Variants in HYKK observed in about 807,000 individuals in gnomAD.
HYKK encodes hydroxylysine kinase, also known as 5-hydroxy-L-lysine kinase.
Under a neutral mutation model 29.7 loss-of-function variants are expected in HYKK, and 19 were observed. The observed-to-expected ratio is 0.64, with a 90% CI of 0.45 to 0.94. The LOEUF is 0.94. Among genes scored for constraint, HYKK ranks in the 40% least tolerant of loss-of-function variants. The pLI is 0.00. For synonymous variants in HYKK, 152 were observed against 158.1 expected (o/e 0.96, Z 0.29); for missense variants, 390 against 443.4 (o/e 0.88, Z 1.08).
chr15:78,535,253 A>AATTTCATTTC lies in HYKK; in HGVS notation c.*1589_*1598dup, dbSNP rs141035399. The AATTTCATTTC allele has an allele frequency of 8.8e-6, 1 of 113,824 alleles. No individual in the cohort carries two copies. Among genetic ancestry groups the AATTTCATTTC allele is most frequent in the Non-Finnish European group, 1.9e-5 (1 of 51,324 alleles). The allele number at this position is 113,824 out of a possible 1,614,324, so 7.1% of individuals were successfully genotyped here. ...TTCATTTTTCACTTCTTTGTCCCTC[A>AATTTCATTTC]ATTTCATTTCATTTCTTTTTCTTTT... On this transcript the variant is annotated 3_prime_UTR_variant, in exon 5 of 5. Coordinates refer to ENST00000388988, the MANE Select transcript of HYKK (RefSeq NM_001013619.4).
chr15:78,537,043 T>C (rs1170217411), downstream of HYKK, among the ~76,000 whole-genome samples: 1 of 152,220 alleles, frequency 6.6e-6, no homozygotes, highest in Non-Finnish European at 1.5e-5. Context: ...TCTTAGGTCC[T>C]CAGCCTCAGA....
In HYKK at chr15:78,513,205, A is replaced by G. The variant is rs748551520; in HGVS notation, c.117A>G (p.Pro39=). ...VFGLKVSKVR[P]LPSYDDQNFH... ...GGTTGAAAGTTTCCAAGGTCCGGCC[A>G]CTTCCTAGCTATGATGACCAAAACT... The change falls in exon 2 of 5, where the codon CCA becomes CCG. Residue 39 remains proline (P), a synonymous_variant. Coordinates refer to ENST00000388988, the MANE Select transcript of HYKK (RefSeq NM_001013619.4). The G allele has an allele frequency of 1.7e-5, 27 of 1,614,058 alleles. No individual in the cohort carries two copies. Among genetic ancestry groups the G allele is most frequent in the South Asian group, 1.1e-4 (10 of 91,090 alleles).
chr15:78,514,908 CTATA>C lies in HYKK; in HGVS notation c.338-43_338-40del, dbSNP rs1555411228. ...TAAATACCTCTCTCTCTCTCTCTCT[CTATA>C]TATATATATATATATAAATAATTTA... On this transcript the variant is annotated intron_variant, in intron 2 of 4. Coordinates refer to ENST00000388988, the MANE Select transcript of HYKK (RefSeq NM_001013619.4). The C allele has an allele frequency of 4.0e-4, 155 of 385,442 alleles. 5 individuals are homozygous for C. Among genetic ancestry groups the C allele is most frequent in the South Asian group, 1.7e-3 (18 of 10,608 alleles). The allele number at this position is 385,442 out of a possible 1,614,324, so 23.9% of individuals were successfully genotyped here.
chr15:78,518,196 T>C (rs895320001), intron 3 of HYKK, among the ~76,000 whole-genome samples: 4 of 152,204 alleles, frequency 2.6e-5, no homozygotes, highest in African/African-American at 7.2e-5. Context: ...TTTTATTTTT[T>C]ATTTTTTTTG....
intron 3 of HYKK, among the ~76,000 whole-genome samples, chr15:78,525,888 G>A (rs1026237236): frequency 2.0e-5 from 3 of 152,186 alleles, no homozygotes; most frequent in African/African-American, 7.2e-5. Context: ...GTGTGTGCCT[G>A]TATACTGGGG....
chr15:78,522,879 A>T (rs1410407895), intron 3 of HYKK, among the ~76,000 whole-genome samples: 1 of 152,004 alleles, frequency 6.6e-6, no homozygotes, highest in Non-Finnish European at 1.5e-5. Context: ...ACTCTGTCTC[A>T]GAAAAAAAAA....
chr15:78,537,211 C>G (rs557544937), downstream of HYKK: 6 of 487,274 alleles, frequency 1.2e-5, no homozygotes, highest in African/African-American at 1.9e-5. Flanking sequence ...GTTTATCTAC[C>G]TATCCATCCT....
intron 1 of HYKK, 30 bp downstream of exon 1, chr15:78,507,701 G>C (rs2141549479): frequency 6.6e-6 from 1 of 152,528 alleles, no homozygotes; most frequent in African/African-American, 2.4e-5. Flanking sequence ...GCAGAGACGA[G>C]CCCTGCGTCC....
At chr15:78,517,579 A>T (rs1188912706) in intron 3 of HYKK, among the ~76,000 whole-genome samples, 1 of 149,088 alleles carries the variant, frequency 6.7e-6, no homozygotes, top group Non-Finnish European at 1.5e-5. Flanking sequence ...ACTCCATCTT[A>T]AAAAAAAAAG....
At chr15:78,514,502 GAC>G (rs2052106955) in intron 2 of HYKK, among the ~76,000 whole-genome samples, 2 of 152,236 alleles carry the variant, frequency 1.3e-5, no homozygotes, top group South Asian at 2.1e-4. Context: ...TGGTCCCTGA[GAC>G]ACAGTTATTG....
chr15:78,509,737 A>G (rs2052052479), intron 1 of HYKK, among the ~76,000 whole-genome samples: 1 of 152,240 alleles, frequency 6.6e-6, no homozygotes, highest in Admixed American at 6.5e-5. Flanking sequence ...GCCTAAATAC[A>G]GTGTGACAGG....
intron 3 of HYKK, among the ~76,000 whole-genome samples, chr15:78,526,526 G>T (rs1046134718): frequency 6.6e-6 from 1 of 152,124 alleles, no homozygotes; most frequent in African/African-American, 2.4e-5. Context: ...TCTGGTGAAG[G>T]GCATCCCCAA....
intron 1 of HYKK, 46 bp from the exon 2 acceptor site, chr15:78,513,038 A>G (rs772005982): frequency 7.2e-6 from 7 of 968,942 alleles, no homozygotes; most frequent in Non-Finnish European, 9.6e-6. Context: ...AAATAAATAT[A>G]TTCATCCTGT....
At chr15:78,528,940 C>A (rs1298715450) in intron 4 of HYKK, 2 of 743,270 alleles carry the variant, frequency 2.7e-6, no homozygotes, top group Non-Finnish European at 1.6e-6. Flanking sequence ...TTTTTCCCTT[C>A]AAACCTGTTT....
chr15:78,529,708 T>G (rs2052291545), intron 4 of HYKK, among the ~76,000 whole-genome samples: 1 of 152,232 alleles, frequency 6.6e-6, no homozygotes, highest in South Asian at 2.1e-4. Context: ...ATTGAAATTA[T>G]TTTTTTCTCA....
intron 4 of HYKK, among the ~76,000 whole-genome samples, chr15:78,531,371 T>C (rs187429457): frequency 6.6e-6 from 1 of 152,318 alleles, no homozygotes; most frequent in Non-Finnish European, 1.5e-5. Flanking sequence ...TAGGTCAAGT[T>C]TGTTAATCAT....
chr15:78,512,877 A>G (rs1460050061), intron 1 of HYKK, among the ~76,000 whole-genome samples: 1 of 152,208 alleles, frequency 6.6e-6, no homozygotes, highest in East Asian at 1.9e-4. Flanking sequence ...AATTTGTCCT[A>G]TAAGAATTTG....
chr15:78,522,052 C>G (rs2052202733), intron 3 of HYKK, among the ~76,000 whole-genome samples: 1 of 151,556 alleles, frequency 6.6e-6, no homozygotes, highest in Non-Finnish European at 1.5e-5. Flanking sequence ...TCAAGCGATC[C>G]TCTCACCACA....
Position 78,533,580 on chromosome 15 carries a change from C to T in HYKK, c.1032C>T (p.His344=). Residue 344 remains histidine, a synonymous_variant, in exon 5 of 5, where the codon CAC becomes CAT. Coordinates refer to ENST00000388988, the MANE Select transcript of HYKK (RefSeq NM_001013619.4). ...TTACTGCAAAAACCGGGTGGAAACA[C>T]TTACAGCAAATGTTTGACATGGGTC... ...LMVTAKTGWK[H]LQQMFDMGQK... 1 of 1,614,164 alleles carries T rather than the reference C, an allele frequency of 6.2e-7. No individual in the cohort carries two copies. The highest frequency in any genetic ancestry group is 8.5e-7 in the Non-Finnish European group (1 of 1,180,012).
Sources: gnomAD v4.1 joint callset for allele counts (sites outside exome capture counted in the v4.1 genomes callset) on GRCh38, gnomAD v4.1.1 for gene constraint, MANE v1.5 for transcripts, NCBI Gene and HGNC (gene_info 2026-07-23, HGNC 2026-07-21) for gene names.